GRAMD2B: variants seen among roughly 807,000 people sequenced by gnomAD.
GRAMD2B encodes GRAM domain containing 2B.
Under a neutral mutation model 59.2 loss-of-function variants are expected in GRAMD2B, and 41 were observed. The ratio of observed to expected loss-of-function variants is 0.69; its 90% CI spans 0.54 to 0.90. GRAMD2B has a LOEUF of 0.90. Among genes scored for constraint, GRAMD2B ranks in the 40% least tolerant of loss-of-function variants. The pLI is 0.00. For synonymous variants in GRAMD2B, 161 were observed against 182.7 expected (o/e 0.88, Z 0.96); for missense variants, 424 against 500.5 (o/e 0.85, Z 1.46).
intron 1 of GRAMD2B, among the ~76,000 whole-genome samples, chr5:126,402,785 C>T (rs544675464): frequency 2.0e-5 from 3 of 151,928 alleles, no homozygotes; most frequent in African/African-American, 4.8e-5. Context: ...ATGTAATATA[C>T]AGCATATGTG....
intron 1 of GRAMD2B, among the ~76,000 whole-genome samples, chr5:126,441,703 T>C (rs1175453758): frequency 6.6e-6 from 1 of 152,232 alleles, no homozygotes; most frequent in Non-Finnish European, 1.5e-5. Context: ...AAGTTTTTTT[T>C]TGCTAAAACA....
At chr5:126,484,123 G>A (rs537106725) in intron 9 of GRAMD2B, among the ~76,000 whole-genome samples, 14 of 152,196 alleles carry the variant, frequency 9.2e-5, no homozygotes, top group Admixed American at 2.0e-4. Flanking sequence ...CCACCGCACC[G>A]GCCTATTTTC....
intron 6 of GRAMD2B, among the ~76,000 whole-genome samples, chr5:126,479,822 T>C (rs1462800017): frequency 6.6e-6 from 1 of 152,248 alleles, no homozygotes; most frequent in African/African-American, 2.4e-5. Context: ...TTTTATATTT[T>C]CTGAACATAT....
chr5:126,423,746 T>C, intron 1 of GRAMD2B, 57 bp downstream of exon 1: 1 of 1,519,290 alleles, frequency 6.6e-7, no homozygotes, highest in South Asian at 1.2e-5. Flanking sequence ...AGCCTAAACT[T>C]CTCTGCCCCG....
chr5:126,447,671 G>GAA (rs113356500), intron 1 of GRAMD2B, among the ~76,000 whole-genome samples: 89 of 120,162 alleles, frequency 7.4e-4, no homozygotes, highest in Middle Eastern at 4.3e-3. Context: ...CTCAAAAAAA[G>GAA]AAAAAAAAAA....
chr5:126,443,693 TC>T (rs1763677727), intron 1 of GRAMD2B, among the ~76,000 whole-genome samples: 1 of 152,210 alleles, frequency 6.6e-6, no homozygotes, highest in African/African-American at 2.4e-5. Context: ...ATGGAAAGAC[TC>T]CATCAGTGAC....
At chr5:126,421,571 AAG>A (rs972339302), upstream of GRAMD2B, among the ~76,000 whole-genome samples, 59 of 152,158 alleles carry the variant, frequency 3.9e-4, no homozygotes, top group African/African-American at 1.4e-3. Flanking sequence ...AGGAAAGAAA[AAG>A]AGAGAGAGGC....
upstream of GRAMD2B, among the ~76,000 whole-genome samples, chr5:126,420,976 C>T (rs1414838798): frequency 1.3e-5 from 2 of 152,102 alleles, no homozygotes; most frequent in Non-Finnish European, 2.9e-5. Context: ...TGAAACAAGC[C>T]AGACACAAAA....
At chr5:126,423,295 G>T, upstream of GRAMD2B, 2 of 1,208,596 alleles carry the variant, frequency 1.7e-6, no homozygotes, top group Non-Finnish European at 2.1e-6. Context: ...CGAAAGACTC[G>T]TTCAACAGGT....
At chr5:126,398,748 T>G (rs563113452) in intron 1 of GRAMD2B, among the ~76,000 whole-genome samples, 64 of 152,340 alleles carry the variant, frequency 4.2e-4, no homozygotes, top group African/African-American at 1.5e-3. Flanking sequence ...CTATAAACTT[T>G]CCTTTTAGAA....
chr5:126,450,703 T>C (rs921381080), intron 1 of GRAMD2B, among the ~76,000 whole-genome samples: 16 of 148,224 alleles, frequency 1.1e-4, no homozygotes, highest in Non-Finnish European at 2.2e-4. Flanking sequence ...TCCCGGCCAG[T>C]CTGGCTCTAG....
In GRAMD2B at chr5:126,375,341, A is replaced by G. The variant is rs7708204; in HGVS notation, c.125+3774A>G. Among the ~76,000 whole-genome samples the G allele has an allele frequency of 9.8e-4, 149 of 151,966 alleles. 1 individual carries two copies. Among genetic ancestry groups the G allele is most frequent in the African/African-American group, 3.4e-3 (141 of 41,514 alleles). On this transcript the variant is annotated intron_variant, in intron 1 of 8. Transcript: ENST00000506445. ...TTGAAATAATAAAAATTTTATTTTT[A>G]CCTTTCCAAAATTTACTCCTTGAAA...
chr5:126,408,687 CTCTT>C (rs1311026845), intron 1 of GRAMD2B, among the ~76,000 whole-genome samples: 13 of 51,212 alleles, frequency 2.5e-4, no homozygotes, highest in Non-Finnish European at 6.8e-4. Flanking sequence ...CTGCCTGAGA[CTCTT>C]TTTTTTTTTT....
chr5:126,439,970 G>A lies in GRAMD2B; in HGVS notation c.83+16281G>A, dbSNP rs537378370. 1.1e-4 allele frequency among the ~76,000 whole-genome samples: 17 copies of A among 152,160 alleles called. No individual in the cohort carries two copies. In the East Asian group the frequency reaches 1.7e-3, roughly 16 times the overall value. ...CTTTGCTCCTCCTTCACCTTCCACC[G>A]TGATTGTGAGGCCTCCGCAGTCATG... On this transcript the variant is annotated intron_variant, in intron 1 of 13. Coordinates refer to ENST00000285689, the MANE Select transcript of GRAMD2B (RefSeq NM_023927.4).
chr5:126,485,663 G>A (rs55715209), intron 10 of GRAMD2B, 23 bp from the exon 11 acceptor site: 24,726 of 1,520,452 alleles, frequency 0.016, 256 homozygotes, highest in Non-Finnish European at 0.021. Flanking sequence ...TTAAACAGTT[G>A]TTTTTTGTTT....
intron 1 of GRAMD2B, among the ~76,000 whole-genome samples, chr5:126,384,773 G>A (rs1755972641): frequency 6.6e-6 from 1 of 152,184 alleles, no homozygotes; most frequent in Non-Finnish European, 1.5e-5. Context: ...ACAATACTCT[G>A]GCAGGGTAAA....
At chr5:126,446,753 G>A (rs1764321452) in intron 1 of GRAMD2B, among the ~76,000 whole-genome samples, 1 of 151,960 alleles carries the variant, frequency 6.6e-6, no homozygotes, top group African/African-American at 2.4e-5. Flanking sequence ...CTAAGACACT[G>A]AAATATGATA....
chr5:126,484,412 G>A lies in GRAMD2B; in HGVS notation c.858G>A (p.Ala286=), dbSNP rs752076320. 59 of 1,613,410 alleles carry A rather than the reference G, an allele frequency of 3.7e-5. No homozygotes were observed. The highest frequency in any genetic ancestry group is 4.7e-5 in the Non-Finnish European group (55 of 1,179,842). The change falls in exon 10 of 14, where the codon GCG becomes GCA. Residue 286 remains alanine, a synonymous_variant. Coordinates refer to ENST00000285689, the MANE Select transcript of GRAMD2B (RefSeq NM_023927.4). ...PESENSRDFH[A]TESQTVLNVS... Reference sequence around the variant, plus strand: ...GTTTTGGCTTAGTAGATTTCCATGCGACAGAATCCCAAACAGTTCTGAATG... The same window carrying A: ...GTTTTGGCTTAGTAGATTTCCATGCAACAGAATCCCAAACAGTTCTGAATG...
At chr5:126,469,826 G>A in intron 3 of GRAMD2B, 38 bp downstream of exon 3, 9 of 1,469,850 alleles carry the variant, frequency 6.1e-6, no homozygotes, top group Non-Finnish European at 8.5e-6. Flanking sequence ...CTTAGAGGGT[G>A]ACAGGGCTAC....
Sources: allele counts gnomAD v4.1 joint callset (sites outside exome capture counted in the v4.1 genomes callset), GRCh38; gene constraint gnomAD v4.1.1; transcripts MANE v1.5; gene names NCBI Gene and HGNC (gene_info 2026-07-23, HGNC 2026-07-21).